DLGAP1: variants seen among roughly 807,000 people sequenced by gnomAD.
The protein encoded by DLGAP1 is DLG associated protein 1, also known as disks large-associated protein 1.
Under a neutral mutation model 90.8 loss-of-function variants are expected in DLGAP1, and 11 were observed. That is an observed-to-expected ratio of 0.12 (90% CI 0.08 to 0.20). The LOEUF is 0.20. Ranked by LOEUF, DLGAP1 falls within the 10% of genes least tolerant of loss-of-function variation. The probability of loss-of-function intolerance (pLI) is 1.00; values close to 1 mark genes in which losing one functional copy is unlikely to be tolerated. For synonymous variants in DLGAP1, 558 were observed against 540.7 expected (o/e 1.03, Z -0.44); for missense variants, 1,050 against 1,333.8 (o/e 0.79, Z 3.31).
rs538852439 is a variant in DLGAP1 at position 3,499,637 on chromosome 18, C to G, written c.2725-243G>C. Reference sequence around the variant, plus strand: ...GGCTGGGTTGCAGAACTAGGTCTCTCCAAGGGAAGGAAGTGGGTATTTTAA... The same window carrying G: ...GGCTGGGTTGCAGAACTAGGTCTCTGCAAGGGAAGGAAGTGGGTATTTTAA... On this transcript the variant is annotated intron_variant, in intron 12 of 12. Coordinates refer to ENST00000315677, the MANE Select transcript of DLGAP1 (RefSeq NM_004746.4). This position sits in a 1 kb window ranked among gnomAD's most constrained non-coding sequence, Gnocchi z 6.4. Among the ~76,000 whole-genome samples, 3 of 152,180 alleles carry G rather than the reference C, an allele frequency of 2.0e-5. No individual in the cohort carries two copies. The East Asian group carries it at 5.8e-4, about 29-fold the overall frequency.
chr18:3,813,751 G>T (rs1373726428), intron 5 of DLGAP1, among the ~76,000 whole-genome samples: 3 of 151,978 alleles, frequency 2.0e-5, no homozygotes, highest in Non-Finnish European at 4.4e-5. Context: ...TCATTGACCA[G>T]AAATTTCAAT....
intron 1 of DLGAP1, among the ~76,000 whole-genome samples, chr18:4,361,209 T>C (rs991259812): frequency 3.9e-5 from 6 of 152,204 alleles, no homozygotes; most frequent in Admixed American, 3.9e-4. Context: ...TTTATTGATA[T>C]GTGCAAATAA....
chr18:3,534,748 G>C (rs2052240390), intron 9 of DLGAP1, 133 bp from the exon 10 acceptor site: 3 of 854,606 alleles, frequency 3.5e-6, no homozygotes, highest in Admixed American at 6.9e-5. Flanking sequence ...TGGAGTGCAA[G>C]TGGCGTGATC....
intron 1 of DLGAP1, among the ~76,000 whole-genome samples, chr18:4,337,722 A>G (rs1274873878): frequency 2.0e-5 from 3 of 152,224 alleles, no homozygotes; most frequent in Non-Finnish European, 2.9e-5. Context: ...ATAAAGTCAT[A>G]GTTTTCTCAT....
At chr18:4,226,544 G>A (rs184886312) in intron 1 of DLGAP1, among the ~76,000 whole-genome samples, 3 of 152,052 alleles carry the variant, frequency 2.0e-5, no homozygotes, top group Admixed American at 1.3e-4. Context: ...AAGTTAAAAA[G>A]TGTGGGGACA....
chr18:3,981,568 C>T (rs1163117594), intron 3 of DLGAP1, among the ~76,000 whole-genome samples: 2 of 152,172 alleles, frequency 1.3e-5, no homozygotes, highest in Non-Finnish European at 2.9e-5. Context: ...AAAGGGATGG[C>T]AGGTGATGCC....
At chr18:3,990,656 AT>A (rs2073948501) in intron 3 of DLGAP1, among the ~76,000 whole-genome samples, 1 of 148,442 alleles carries the variant, frequency 6.7e-6, no homozygotes, top group African/African-American at 2.4e-5. Flanking sequence ...AATAATAATA[AT>A]AATAATAAAA....
chr18:4,100,200 T>A (rs747085966), intron 2 of DLGAP1, among the ~76,000 whole-genome samples: 5 of 152,166 alleles, frequency 3.3e-5, no homozygotes, highest in Non-Finnish European at 5.9e-5. Flanking sequence ...TCTTAAATAA[T>A]AAGACTTGGA....
intron 7 of DLGAP1, among the ~76,000 whole-genome samples, chr18:3,698,086 C>G (rs1441906744): frequency 6.6e-6 from 1 of 152,188 alleles, no homozygotes; most frequent in Non-Finnish European, 1.5e-5. Flanking sequence ...TGTCTTTGCA[C>G]ATGAGTTTGG....
intron 9 of DLGAP1, among the ~76,000 whole-genome samples, chr18:3,562,819 T>G (rs1455647138): frequency 2.0e-5 from 3 of 151,940 alleles, no homozygotes; most frequent in Admixed American, 2.0e-4. Context: ...TTATCTTTTT[T>G]GTTTGTTTGT....
At chr18:4,043,670 T>A (rs761571251) in intron 2 of DLGAP1, among the ~76,000 whole-genome samples, 2 of 152,214 alleles carry the variant, frequency 1.3e-5, no homozygotes, top group Non-Finnish European at 2.9e-5. Flanking sequence ...AGCAAGCACC[T>A]GAAGATTTTA....
chr18:4,034,542 C>T (rs2149135769), intron 2 of DLGAP1, among the ~76,000 whole-genome samples: 1 of 152,254 alleles, frequency 6.6e-6, no homozygotes, highest in East Asian at 1.9e-4. Context: ...TTTGGTGGCT[C>T]CTGAAAAGAT....
chr18:3,573,419 T>G (rs1271000474), intron 8 of DLGAP1, among the ~76,000 whole-genome samples: 4 of 152,138 alleles, frequency 2.6e-5, no homozygotes. Context: ...GGATAATTGC[T>G]TGAACCCAGG....
At chr18:3,907,721 G>A (rs2071940805) in intron 3 of DLGAP1, among the ~76,000 whole-genome samples, 2 of 152,160 alleles carry the variant, frequency 1.3e-5, no homozygotes, top group Non-Finnish European at 2.9e-5. Flanking sequence ...GAGACCACAG[G>A]TGTCATCAAC....
intron 7 of DLGAP1, among the ~76,000 whole-genome samples, chr18:3,632,320 G>C (rs1046761861): frequency 1.4e-5 from 2 of 146,086 alleles, no homozygotes; most frequent in Non-Finnish European, 3.0e-5. Context: ...TTTTTTTTGA[G>C]ATGGAATTTT....
chr18:4,126,936 C>G (rs2144164724), intron 2 of DLGAP1, among the ~76,000 whole-genome samples: 1 of 152,322 alleles, frequency 6.6e-6, no homozygotes. Context: ...CAAAAGGTGG[C>G]ATGACAGTAT....
In DLGAP1 at chr18:3,709,717, G is replaced by A. The variant is rs116748053; in HGVS notation, c.1591+19418C>T. 1.5e-3 allele frequency among the ~76,000 whole-genome samples: 229 copies of A among 152,248 alleles called. 3 individuals carry two copies. The highest frequency in any genetic ancestry group is 5.3e-3 in the African/African-American group (221 of 41,538). The stretch of plus-strand genomic sequence containing the variant: ...CATGCAAGACTGTGAACCCCTCCAG[G>A]GCAGGCACGATTTCCCCCAGCCCTG... On this transcript the variant is annotated intron_variant, in intron 7 of 12. Transcript: ENST00000315677.
chr18:4,067,868 T>C (rs964059246), intron 2 of DLGAP1, among the ~76,000 whole-genome samples: 7 of 152,136 alleles, frequency 4.6e-5, no homozygotes, highest in African/African-American at 1.4e-4. Flanking sequence ...TATTGACTTA[T>C]GTCTTACTAC....
At chr18:3,903,889 T>G (rs1257612527) in intron 3 of DLGAP1, among the ~76,000 whole-genome samples, 1 of 152,240 alleles carries the variant, frequency 6.6e-6, no homozygotes, top group East Asian at 1.9e-4. Context: ...GTAACATTAG[T>G]GTTTCTAGAA....
Sources: allele counts gnomAD v4.1 joint callset (sites outside exome capture counted in the v4.1 genomes callset), GRCh38; gene constraint gnomAD v4.1.1; non-coding constraint Gnocchi (gnomAD v3.1); transcripts MANE v1.5; gene names NCBI Gene and HGNC (gene_info 2026-07-23, HGNC 2026-07-21).